CNGB3: variants seen among roughly 807,000 people sequenced by gnomAD.
CNGB3 encodes the protein cyclic nucleotide gated channel subunit beta 3, also known as cyclic nucleotide-gated channel beta-3.
CNGB3 carries 86 observed loss-of-function variants against 92.8 expected under a neutral mutation model. The ratio of observed to expected loss-of-function variants is 0.93; its 90% confidence interval spans 0.78 to 1.11. The LOEUF is 1.11. Among genes scored for constraint, CNGB3 ranks in the 50% least tolerant of loss-of-function variants. The probability of loss-of-function intolerance (pLI) is 0.00; values close to 1 mark genes in which losing one functional copy is unlikely to be tolerated. For synonymous variants in CNGB3, 333 were observed against 332.7 expected, an observed-to-expected ratio of 1.00 and a Z score of -0.01; for missense variants, 1,026 against 956.8, an observed-to-expected ratio of 1.07 and a Z score of -0.95.
At position 86,579,103 on chromosome 8, in the gene CNGB3, T is replaced by C. The variant is rs751096857; in HGVS notation, c.1928+3A>G. The C allele has an allele frequency of 3.7e-6, 6 of 1,614,196 alleles. No individual in the cohort carries two copies. The highest frequency in any genetic ancestry group is 5.1e-6 in the Non-Finnish European group (6 of 1,180,022). On this transcript the variant is annotated splice_donor_region_variant and intron_variant, in intron 16 of 17. Coordinates refer to ENST00000320005, the MANE Select transcript of CNGB3 (RefSeq NM_019098.5). Reference sequence around the variant, plus strand: ...ATCTCTAATGGTGTTTTAAAGGTTGTACCTGGCTTTCTTCATGAGGATCCT... The same window carrying C: ...ATCTCTAATGGTGTTTTAAAGGTTGCACCTGGCTTTCTTCATGAGGATCCT...
intron 6 of CNGB3, chr8:86,657,530 G>C: frequency 2.0e-6 from 1 of 493,812 alleles, no homozygotes. Context: ...GTCATGGGGA[G>C]AACCCTCCCT....
At chr8:86,722,558 A>G (rs1282359567) in intron 3 of CNGB3, among the ~76,000 whole-genome samples, 2 of 152,188 alleles carry the variant, frequency 1.3e-5, no homozygotes, top group Admixed American at 6.5e-5. Flanking sequence ...ATATTTGGCC[A>G]AACATTATTC....
At chr8:86,586,964 G>A (rs996103335) in intron 15 of CNGB3, among the ~76,000 whole-genome samples, 1 of 143,130 alleles carries the variant, frequency 7.0e-6, no homozygotes, top group Admixed American at 6.9e-5. Flanking sequence ...CAGTGTAAAA[G>A]TGTTCCTATT....
At chr8:86,707,039 T>C (rs988906613) in intron 3 of CNGB3, among the ~76,000 whole-genome samples, 2 of 152,324 alleles carry the variant, frequency 1.3e-5, no homozygotes, top group Admixed American at 6.5e-5. Context: ...TTAAGAGATA[T>C]TAACTTGATG....
intron 3 of CNGB3, among the ~76,000 whole-genome samples, chr8:86,717,833 T>A (rs1824891086): frequency 6.6e-6 from 1 of 152,078 alleles, no homozygotes; most frequent in Admixed American, 6.6e-5. Context: ...CACAGTGGAA[T>A]AAAATTTGAA....
At chr8:86,625,006 T>C (rs1822818185) in intron 13 of CNGB3, among the ~76,000 whole-genome samples, 1 of 152,162 alleles carries the variant, frequency 6.6e-6, no homozygotes, top group Non-Finnish European at 1.5e-5. Context: ...ATAAGATGCC[T>C]GCCCCTGCTT....
In CNGB3 at chr8:86,576,035, T is replaced by C. The variant is rs750503876; in HGVS notation, c.2199A>G (p.Lys733=). ...TATCTTTATCTTCATTTTCTTTTCC[T>C]TTATCTTCATTTTCTTTTTGTTTAT... The part of the protein sequence containing the change: ...NEDKQKENED[K]GKENEDKDKG... Residue 733 remains lysine, a synonymous_variant, in exon 18 of 18, where the codon AAA becomes AAG. Transcript: ENST00000320005. The C allele has an allele frequency of 2.5e-6, 4 of 1,606,418 alleles. No individual in the cohort carries two copies. In the South Asian group the frequency reaches 4.5e-5, roughly 18 times the overall value.
At chr8:86,687,837 T>G (rs1824219664) in intron 3 of CNGB3, among the ~76,000 whole-genome samples, 1 of 151,940 alleles carries the variant, frequency 6.6e-6, no homozygotes, top group African/African-American at 2.4e-5. Context: ...AGGACAACCT[T>G]GTAGTATGGT....
chr8:86,583,814 G>T (rs1242943644), intron 15 of CNGB3, among the ~76,000 whole-genome samples: 11 of 151,126 alleles, frequency 7.3e-5, no homozygotes. Context: ...CAGCTACTTG[G>T]GAGGCTGAGG....
intron 6 of CNGB3, among the ~76,000 whole-genome samples, chr8:86,666,304 T>C (rs904757267): frequency 2.6e-5 from 4 of 152,218 alleles, no homozygotes; most frequent in African/African-American, 9.6e-5. Flanking sequence ...AGGTAAAATA[T>C]GTGGATAGTT....
At chr8:86,700,869 G>C (rs1365560753) in intron 3 of CNGB3, among the ~76,000 whole-genome samples, 2 of 152,084 alleles carry the variant, frequency 1.3e-5, no homozygotes, top group African/African-American at 4.8e-5. Flanking sequence ...TGAGCTCCTG[G>C]CCTCAAATGA....
chr8:86,621,177 C>T (rs931104219), intron 13 of CNGB3, among the ~76,000 whole-genome samples: 6 of 152,152 alleles, frequency 3.9e-5, no homozygotes, highest in African/African-American at 1.2e-4. Context: ...TAATTTAAAG[C>T]ATTTGTTTTC....
chr8:86,578,999 C>G, intron 16 of CNGB3, 107 bp downstream of exon 16: 2 of 1,549,224 alleles, frequency 1.3e-6, no homozygotes. Flanking sequence ...TTAAGCATAT[C>G]TCACTGTGAT....
intron 15 of CNGB3, among the ~76,000 whole-genome samples, chr8:86,582,570 T>G (rs137927203): frequency 7.9e-5 from 12 of 152,058 alleles, no homozygotes; most frequent in Non-Finnish European, 1.5e-4. Flanking sequence ...AGACAAAACC[T>G]TGAAAGAATC....
chr8:86,733,570 TCCC>T (rs1825195639), intron 2 of CNGB3, among the ~76,000 whole-genome samples: 1 of 152,198 alleles, frequency 6.6e-6, no homozygotes, highest in Non-Finnish European at 1.5e-5. Context: ...GGGTCTCTCT[TCCC>T]ACCTTATCCT....
Position 86,743,499 on chromosome 8 carries a change from C to G in CNGB3, c.129G>C (p.Gln43His), listed in dbSNP as rs773587353. The G allele has an allele frequency of 1.2e-5, 20 of 1,613,790 alleles. No individual in the cohort carries two copies. The highest frequency in any genetic ancestry group is 5.5e-5 in the South Asian group (5 of 91,070). ...PSNQSQQTTA[Q>H]EENKGEEKSL... ...TTGCATAGGAATGTAGAGGACATAC[C>G]TGTGCTGTGGTTTGCTGAGACTGAT... Residue 43 changes from glutamine (Q) to histidine (H), a missense_variant and splice_region_variant, in exon 1 of 18, where the codon CAG becomes CAC. Coordinates refer to ENST00000320005, the MANE Select transcript of CNGB3 (RefSeq NM_019098.5).
intron 10 of CNGB3, among the ~76,000 whole-genome samples, chr8:86,634,757 C>A (rs1340457912): frequency 6.6e-6 from 1 of 151,196 alleles, no homozygotes; most frequent in Non-Finnish European, 1.5e-5. Flanking sequence ...ATAACATTAG[C>A]ACTTTGGGTA....
At chr8:86,739,272 A>G (rs900852495) in intron 2 of CNGB3, among the ~76,000 whole-genome samples, 1 of 152,210 alleles carries the variant, frequency 6.6e-6, no homozygotes, top group Non-Finnish European at 1.5e-5. Flanking sequence ...TTCAATCCAC[A>G]TTCATGTTAA....
chr8:86,598,684 C>G (rs191884665), intron 15 of CNGB3, among the ~76,000 whole-genome samples: 455 of 152,292 alleles, frequency 3.0e-3, no homozygotes, highest in Non-Finnish European at 4.3e-3. Flanking sequence ...TTGGCTATGG[C>G]TGCAATACTT....
Sources: allele counts gnomAD v4.1 joint callset (sites outside exome capture counted in the v4.1 genomes callset), GRCh38; gene constraint gnomAD v4.1.1; transcripts MANE v1.5; gene names NCBI Gene and HGNC (gene_info 2026-07-23, HGNC 2026-07-21).